Variants in RABL3 observed in about 807,000 individuals in gnomAD.
RABL3 encodes the protein rab-like protein 3.
A neutral mutation model predicts 31.8 loss-of-function variants in RABL3; 31 were observed. That is an observed-to-expected ratio of 0.97 (90% CI 0.73 to 1.31). The LOEUF is 1.31. Among genes scored for constraint, RABL3 ranks in the 40% most tolerant of loss-of-function variants. The pLI, the probability that RABL3 is intolerant of heterozygous loss-of-function variation, is 0.00. For synonymous variants in RABL3, 97 were observed against 99.9 expected, an observed-to-expected ratio of 0.97 and a Z score of 0.18; for missense variants, 263 against 279.6, an observed-to-expected ratio of 0.94 and a Z score of 0.42.
At chr3:120,725,304 C>A (rs1319500134) in intron 2 of RABL3, among the ~76,000 whole-genome samples, 1 of 152,162 alleles carries the variant, frequency 6.6e-6, no homozygotes, top group Non-Finnish European at 1.5e-5. Context: ...ACAACAGGTG[C>A]TGGAGAGGAT....
At chr3:120,741,904 T>C (rs1271969837) in intron 1 of RABL3, among the ~76,000 whole-genome samples, 1 of 152,230 alleles carries the variant, frequency 6.6e-6, no homozygotes, top group African/African-American at 2.4e-5. Context: ...TTTAAGTTCG[T>C]GGACTCCGCG....
At chr3:120,705,463 A>C (rs1437067673) in intron 4 of RABL3, among the ~76,000 whole-genome samples, 1 of 152,234 alleles carries the variant, frequency 6.6e-6, no homozygotes, top group Non-Finnish European at 1.5e-5. Context: ...AATGGAACAG[A>C]ACTAGAGTCC....
chr3:120,718,764 T>C (rs997928249), intron 2 of RABL3, among the ~76,000 whole-genome samples: 1 of 152,226 alleles, frequency 6.6e-6, no homozygotes, highest in Non-Finnish European at 1.5e-5. Context: ...AGTTGAAATA[T>C]GTAAATAAGG....
At chr3:120,716,218 A>G (rs1708666689) in intron 2 of RABL3, among the ~76,000 whole-genome samples, 1 of 152,254 alleles carries the variant, frequency 6.6e-6, no homozygotes, top group African/African-American at 2.4e-5. Flanking sequence ...TTCTAAATTC[A>G]TTAAGTCTTG....
chr3:120,708,191 A>C (rs1446245837), intron 3 of RABL3, among the ~76,000 whole-genome samples: 1 of 152,050 alleles, frequency 6.6e-6, no homozygotes, highest in African/African-American at 2.4e-5. Context: ...AGAACACAGA[A>C]ATAGGTTTTT....
Position 120,685,301 on chromosome 3 carries a change from G to A in RABL3, c.*4522C>T, listed in dbSNP as rs1708296378. Among the ~76,000 whole-genome samples the A allele has an allele frequency of 6.6e-6, 1 of 152,194 alleles. No individual in the cohort carries two copies. Among genetic ancestry groups the A allele is most frequent in the African/African-American group, 2.4e-5 (1 of 41,450 alleles). On this transcript the variant is annotated 3_prime_UTR_variant, in exon 8 of 8. Transcript: ENST00000273375. ...GGACAGATGTCTCCGAGAAAAAGAT[G>A]GAACGGAGAGATTACCTGATATACT...
intron 4 of RABL3, among the ~76,000 whole-genome samples, chr3:120,699,725 T>C (rs1466392342): frequency 1.3e-5 from 2 of 152,122 alleles, no homozygotes; most frequent in Non-Finnish European, 2.9e-5. Flanking sequence ...TTACAGCGCC[T>C]CAGCAAACTG....
At chr3:120,725,832 G>A (rs1708812846) in intron 2 of RABL3, among the ~76,000 whole-genome samples, 1 of 152,064 alleles carries the variant, frequency 6.6e-6, no homozygotes, top group South Asian at 2.1e-4. Flanking sequence ...AGCATTAGGA[G>A]ATATACCTAA....
At position 120,688,623 on chromosome 3, in the gene RABL3, A is replaced by G. The variant is rs1708342232; in HGVS notation, c.*1200T>C. On this transcript the variant is annotated 3_prime_UTR_variant, in exon 8 of 8. Transcript: ENST00000273375. ...TTATTATTGTTATTTAAAAGTATGGAGCAAAATCAGGAGTGCAGAGACCTG... is the reference window on the plus strand; with the variant it reads ...TTATTATTGTTATTTAAAAGTATGGGGCAAAATCAGGAGTGCAGAGACCTG... 1 of 152,210 alleles carries G rather than the reference A, an allele frequency of 6.6e-6. No individual in the cohort carries two copies. Among genetic ancestry groups the G allele is most frequent in the Non-Finnish European group, 1.5e-5 (1 of 68,024 alleles). 9.4% of individuals were successfully genotyped at this position (152,210 alleles called of 1,614,324 possible). A position where few individuals can be genotyped will look rare whatever the true frequency, so the allele number is the denominator to read the frequency against.
At chr3:120,710,362 T>C (rs1276571268) in intron 2 of RABL3, 1 of 152,622 alleles carries the variant, frequency 6.6e-6, no homozygotes, top group East Asian at 1.9e-4. Context: ...TGTCCTTCAA[T>C]CAATTCCACA....
At chr3:120,700,245 TATC>T (rs1708479273) in intron 4 of RABL3, among the ~76,000 whole-genome samples, 1 of 152,104 alleles carries the variant, frequency 6.6e-6, no homozygotes, top group South Asian at 2.1e-4. Flanking sequence ...CACAGCCAGG[TATC>T]ATATTATATG....
At position 120,742,502 on chromosome 3, in the gene RABL3, C is replaced by T. The variant is rs758819619; in HGVS notation, c.6G>A (p.Ala2=). The T allele has an allele frequency of 1.2e-6, 2 of 1,614,186 alleles. No homozygotes were observed. Among genetic ancestry groups the T allele is most frequent in the Non-Finnish European group, 8.5e-7 (1 of 1,180,022 alleles). Residue 2 remains alanine (A), a synonymous_variant, in exon 1 of 8, where the codon GCG becomes GCA. Coordinates refer to ENST00000273375, the MANE Select transcript of RABL3 (RefSeq NM_173825.5). ...CCAGTACCTTCACCCGATCCAGGGA[C>T]GCCATCTTGCCACTGCCTTCCCTGG... M[A]SLDRVKVLVL...
At chr3:120,710,957 T>C (rs1708606530) in intron 2 of RABL3, among the ~76,000 whole-genome samples, 1 of 152,100 alleles carries the variant, frequency 6.6e-6, no homozygotes, top group African/African-American at 2.4e-5. Context: ...AATGAACTAT[T>C]CCTTGTCAAG....
At position 120,690,484 on chromosome 3, in the gene RABL3, T is replaced by C. The variant is rs768913309; in HGVS notation, c.610A>G (p.Ile204Val). The C allele has an allele frequency of 5.6e-6, 9 of 1,604,216 alleles. No individual in the cohort carries two copies. The highest frequency in any genetic ancestry group is 1.7e-6 in the Non-Finnish European group (2 of 1,171,484). Reference protein sequence around the residue: ...VKLSRFFDKVIEKRYFLREGN... With the variant: ...VKLSRFFDKVVEKRYFLREGN... ...TCTCTTAAAAAGTATCTCTTCTCTATGACCTGTGAAAAACAAAGATTTTAA... is the reference window on the plus strand; with the variant it reads ...TCTCTTAAAAAGTATCTCTTCTCTACGACCTGTGAAAAACAAAGATTTTAA... The change falls in exon 7 of 8, where the codon ATA becomes GTA. Residue 204 changes from isoleucine (I) to valine (V), a missense_variant. By Grantham distance (29) the Ile-to-Val change is conservative. Coordinates refer to ENST00000273375, the MANE Select transcript of RABL3 (RefSeq NM_173825.5).
intron 2 of RABL3, among the ~76,000 whole-genome samples, chr3:120,719,171 A>G (rs950840366): frequency 1.3e-5 from 2 of 152,264 alleles, no homozygotes; most frequent in African/African-American, 4.8e-5. Flanking sequence ...TTTCAAGTGC[A>G]TATGAAATTT....
At chr3:120,716,181 T>A (rs553053965) in intron 2 of RABL3, among the ~76,000 whole-genome samples, 1 of 152,324 alleles carries the variant, frequency 6.6e-6, no homozygotes, top group East Asian at 1.9e-4. Flanking sequence ...ATCAATTTCC[T>A]TATTTATAGT....
intron 3 of RABL3, among the ~76,000 whole-genome samples, chr3:120,709,310 C>G (rs1049843359): frequency 4.0e-5 from 6 of 151,798 alleles, no homozygotes; most frequent in Non-Finnish European, 7.4e-5. Context: ...ATTTCTGCAC[C>G]CATAAAGACC....
At position 120,727,352 on chromosome 3, in the gene RABL3, A is replaced by T. The variant is rs910781065; in HGVS notation, c.138+3344T>A. ...ATTGAAAAACAGTAAGACGGAAAAA[A>T]TTTTTTTGTGTCAATTTACATAAAA... On this transcript the variant is annotated intron_variant, in intron 2 of 7. Transcript: ENST00000273375. 3.3e-5 allele frequency among the ~76,000 whole-genome samples: 5 copies of T among 152,148 alleles called. No homozygotes were observed. In the South Asian group the frequency reaches 6.2e-4, roughly 19 times the overall value.
At chr3:120,694,821 T>C (rs181484647) in intron 5 of RABL3, among the ~76,000 whole-genome samples, 5 of 152,070 alleles carry the variant, frequency 3.3e-5, no homozygotes, top group African/African-American at 1.2e-4. Context: ...ATAATAAAGA[T>C]ATATTACTAC....
Sources: gnomAD v4.1 joint callset for allele counts (sites outside exome capture counted in the v4.1 genomes callset) on GRCh38, gnomAD v4.1.1 for gene constraint, MANE v1.5 for transcripts, NCBI Gene and HGNC (gene_info 2026-07-23, HGNC 2026-07-21) for gene names.